DPYSL5: variants seen among roughly 807,000 people sequenced by gnomAD.
DPYSL5 encodes dihydropyrimidinase like 5.
In DPYSL5, 9 loss-of-function variants were observed where a neutral mutation model predicts 58.4. The ratio of observed to expected loss-of-function variants is 0.15; its 90% confidence interval spans 0.09 to 0.27. The LOEUF (loss-of-function observed/expected upper bound fraction) is 0.27. Among genes scored for constraint, DPYSL5 ranks in the 10% least tolerant of loss-of-function variants. DPYSL5 has a pLI of 1.00. For synonymous variants in DPYSL5, 293 were observed against 301.9 expected (o/e 0.97, Z 0.31); for missense variants, 499 against 770.6 (o/e 0.65, Z 4.17).
rs183159887 is a variant in DPYSL5, at chr2:26,919,025, A to G, written c.262-5862A>G. 8.8e-4 allele frequency among the ~76,000 whole-genome samples: 134 copies of G among 152,340 alleles called. No individual in the cohort carries two copies. In the Middle Eastern group the frequency reaches 0.02, roughly 23 times the overall value. ...GCAAAACATATTGGAGCGGCAGGGC[A>G]GTCCTGTAGAAGATGGTAAGAGAGT... On this transcript the variant is annotated intron_variant, in intron 2 of 12. Coordinates refer to ENST00000288699, the MANE Select transcript of DPYSL5 (RefSeq NM_020134.4).
intron 6 of DPYSL5, among the ~76,000 whole-genome samples, chr2:26,932,421 A>G (rs913748956): frequency 1.3e-5 from 2 of 152,226 alleles, no homozygotes; most frequent in African/African-American, 4.8e-5. Flanking sequence ...GCTCACGTGT[A>G]AACTCAGTCC....
chr2:26,942,707 C>T lies in DPYSL5; in HGVS notation c.1397C>T (p.Ser466Phe). 1 of 1,614,124 alleles carries T rather than the reference C, an allele frequency of 6.2e-7. No individual in the cohort carries two copies. Among genetic ancestry groups the T allele is most frequent in the Non-Finnish European group, 8.5e-7 (1 of 1,180,042 alleles). ...ACCGGCAAGTTCTGTCCCCTGAGGTCCTTCCCAGACACTGTCTACAAGAAG... is the reference window on the plus strand; with the variant it reads ...ACCGGCAAGTTCTGTCCCCTGAGGTTCTTCCCAGACACTGTCTACAAGAAG... ...EGTGKFCPLRSFPDTVYKKLV... is the reference protein window; with the variant it reads ...EGTGKFCPLRFFPDTVYKKLV... Residue 466 changes from serine to phenylalanine, a missense_variant, in exon 11 of 13, where the codon TCC becomes TTC. Transcript: ENST00000288699. This position sits in a 1 kb window ranked among gnomAD's most constrained non-coding sequence, Gnocchi z 5.9.
In DPYSL5 at chr2:26,904,342, G is replaced by A. The variant is rs777049698; in HGVS notation, c.261+5582G>A. Among the ~76,000 whole-genome samples the A allele has an allele frequency of 9.9e-5, 15 of 152,184 alleles. No homozygotes were observed. In the East Asian group the frequency reaches 2.3e-3, roughly 23 times the overall value. ...ACTTTTGTCTTCAAAATGCGCTCTC[G>A]TGGAATGAAGCCTATAAATGTGGCT... is the stretch of plus-strand genomic sequence containing the variant. On this transcript the variant is annotated intron_variant, in intron 2 of 12. Transcript: ENST00000288699.
chr2:26,892,776 A>ATT (rs1186326983), intron 1 of DPYSL5, among the ~76,000 whole-genome samples: 2 of 151,876 alleles, frequency 1.3e-5, no homozygotes, highest in African/African-American at 4.8e-5. Context: ...AGAGAGAGAG[A>ATT]GAGAGAGAGA....
intron 1 of DPYSL5, among the ~76,000 whole-genome samples, chr2:26,866,373 A>G (rs1445117880): frequency 6.6e-6 from 1 of 152,180 alleles, no homozygotes; most frequent in Admixed American, 6.5e-5. Flanking sequence ...TGTAAATGAT[A>G]TCGTAAGGAA....
At chr2:26,890,541 T>G (rs1663851436) in intron 1 of DPYSL5, among the ~76,000 whole-genome samples, 1 of 152,168 alleles carries the variant, frequency 6.6e-6, no homozygotes, top group Non-Finnish European at 1.5e-5. Context: ...AAAGCTGGAA[T>G]TCAGCACAAT....
intron 1 of DPYSL5, among the ~76,000 whole-genome samples, chr2:26,883,960 G>A (rs563587460): frequency 1.6e-4 from 24 of 152,224 alleles, no homozygotes; most frequent in East Asian, 7.7e-4. Flanking sequence ...CCCCCGCCCC[G>A]TTTCCTGGCA....
intron 1 of DPYSL5, among the ~76,000 whole-genome samples, chr2:26,871,977 A>T (rs1256341400): frequency 6.6e-6 from 1 of 152,176 alleles, no homozygotes; most frequent in Non-Finnish European, 1.5e-5. Flanking sequence ...AAAAAGACAG[A>T]TTAGTAAGTA....
intron 1 of DPYSL5, among the ~76,000 whole-genome samples, chr2:26,897,937 G>A (rs1664058800): frequency 6.6e-6 from 1 of 152,158 alleles, no homozygotes; most frequent in South Asian, 2.1e-4. Context: ...GGAGCATGAA[G>A]GAAGCAGAAT....
intron 2 of DPYSL5, among the ~76,000 whole-genome samples, chr2:26,921,082 C>T (rs758895539): frequency 1.3e-5 from 2 of 152,200 alleles, no homozygotes; most frequent in Non-Finnish European, 1.5e-5. Flanking sequence ...AGGACACCAA[C>T]CACGAGCAAC....
chr2:26,911,716 C>T (rs982815671), intron 2 of DPYSL5, among the ~76,000 whole-genome samples: 5 of 152,162 alleles, frequency 3.3e-5, no homozygotes, highest in Non-Finnish European at 7.3e-5. Context: ...AACCACTGAA[C>T]CATCGCCCCT....
At position 26,849,490 on chromosome 2, in the gene DPYSL5, G is replaced by A. The variant is rs1207850588; in HGVS notation, c.-5+1236G>A. Among the ~76,000 whole-genome samples, 1 of 152,138 alleles carries A rather than the reference G, an allele frequency of 6.6e-6. No homozygotes were observed. The highest frequency in any genetic ancestry group is 2.4e-5 in the African/African-American group (1 of 41,456). On this transcript the variant is annotated intron_variant, in intron 1 of 12. Transcript: ENST00000288699. This position sits in a 1 kb window ranked among gnomAD's most constrained non-coding sequence, Gnocchi z 6.2. Reference sequence around the variant, plus strand: ...AGGATGGCAGATCCGGGACCGGGCTGGGCTGGCTTGGTGAGGAGCTTTGTC... The same window carrying A: ...AGGATGGCAGATCCGGGACCGGGCTAGGCTGGCTTGGTGAGGAGCTTTGTC...
At position 26,942,743 on chromosome 2, in the gene DPYSL5, G is replaced by C. The variant is rs1665357638; in HGVS notation, c.1433G>C (p.Arg478Thr). The change falls in exon 11 of 13, where the codon AGA becomes ACA. Residue 478 changes from arginine to threonine, a missense_variant. Coordinates refer to ENST00000288699, the MANE Select transcript of DPYSL5 (RefSeq NM_020134.4). This position sits in a 1 kb window ranked among gnomAD's most constrained non-coding sequence, Gnocchi z 5.9. Reference sequence around the variant, plus strand: ...ACTGTCTACAAGAAGCTGGTCCAGAGAGAGAAGGTGAGGTGGGAGGAGGAA... The same window carrying C: ...ACTGTCTACAAGAAGCTGGTCCAGACAGAGAAGGTGAGGTGGGAGGAGGAA... ...PDTVYKKLVQ[R>T]EKTLKVRGVD... is the part of the protein sequence containing the mutation. The C allele has an allele frequency of 1.2e-6, 2 of 1,613,584 alleles. No individual in the cohort carries two copies. Among genetic ancestry groups the C allele is most frequent in the Non-Finnish European group, 1.7e-6 (2 of 1,179,616 alleles).
rs140009520 is a variant in DPYSL5 at position 26,884,481 on chromosome 2, C to T, written c.-4-14015C>T. Among the ~76,000 whole-genome samples, 111 of 151,648 alleles carry T rather than the reference C, an allele frequency of 7.3e-4. No individual in the cohort carries two copies. In the Middle Eastern group the frequency reaches 0.017, roughly 23 times the overall value. On this transcript the variant is annotated intron_variant, in intron 1 of 12. Transcript: ENST00000288699. ...GTGCACACTTGGGCTGGGAGGTGCACGTGAACACACATCAACGCACAGCTA... is the reference window on the plus strand; with the variant it reads ...GTGCACACTTGGGCTGGGAGGTGCATGTGAACACACATCAACGCACAGCTA...
intron 2 of DPYSL5, among the ~76,000 whole-genome samples, chr2:26,903,875 G>A (rs1332710124): frequency 6.6e-6 from 1 of 152,230 alleles, no homozygotes; most frequent in Non-Finnish European, 1.5e-5. Context: ...GTCAGTGAGA[G>A]AGAAGTTGGC....
intron 1 of DPYSL5, among the ~76,000 whole-genome samples, chr2:26,857,023 G>A (rs1300222284): frequency 1.4e-5 from 2 of 147,124 alleles, no homozygotes; most frequent in African/African-American, 2.7e-5. Context: ...AAACTAAGCG[G>A]TGTACGTCTA....
Position 26,924,938 on chromosome 2 carries a change from A to G in DPYSL5, c.313A>G (p.Lys105Glu). The change falls in exon 3 of 13, where the codon AAG becomes GAG. Residue 105 changes from lysine to glutamate, a missense_variant. Lys to Glu is a moderately conservative substitution (Grantham distance 56). Coordinates refer to ENST00000288699, the MANE Select transcript of DPYSL5 (RefSeq NM_020134.4). The surrounding 1 kb of genome is among the most constrained non-coding windows in gnomAD (Gnocchi z 4.7). ...TMIIGHVLPD[K>E]ETSLVDAYEK... The stretch of plus-strand genomic sequence containing the variant: ...GATCATCGGCCACGTCCTGCCCGAC[A>G]AGGAGACCTCCCTTGTGGACGCTTA... The G allele has an allele frequency of 2.5e-6, 4 of 1,614,124 alleles. No homozygotes were observed. The highest frequency in any genetic ancestry group is 3.4e-6 in the Non-Finnish European group (4 of 1,180,016).
At chr2:26,891,588 T>C (rs1663881166) in intron 1 of DPYSL5, among the ~76,000 whole-genome samples, 1 of 152,148 alleles carries the variant, frequency 6.6e-6, no homozygotes, top group Admixed American at 6.5e-5. Flanking sequence ...TCAAAAAGGA[T>C]GGCAGAGGGA....
At position 26,948,102 on chromosome 2, in the gene DPYSL5, C is replaced by CAT. The variant is rs1454882069; in HGVS notation, c.*1108_*1109insTA. The CAT allele has an allele frequency of 1.3e-5, 2 of 156,026 alleles. No homozygotes were observed. Among genetic ancestry groups the CAT allele is most frequent in the Admixed American group, 1.3e-4 (2 of 15,276 alleles). 9.7% of individuals were successfully genotyped at this position (156,026 alleles called of 1,614,324 possible). ...ACACACACACACACACACACACACA[C>CAT]ACACACACGCACGGCTTCCTATAAC... On this transcript the variant is annotated 3_prime_UTR_variant, in exon 13 of 13. Transcript: ENST00000288699.
Sources: gnomAD v4.1 joint callset for allele counts (sites outside exome capture counted in the v4.1 genomes callset) on GRCh38, gnomAD v4.1.1 for gene constraint, Gnocchi (gnomAD v3.1) non-coding constraint, MANE v1.5 for transcripts, NCBI Gene and HGNC (gene_info 2026-07-23, HGNC 2026-07-21) for gene names.